Variants in MGP observed in about 807,000 individuals in gnomAD.
MGP encodes the protein cell growth-inhibiting gene 36 protein.
Under a neutral mutation model 14.5 loss-of-function variants are expected in MGP, and 13 were observed. The ratio of observed to expected loss-of-function variants is 0.89; its 90% CI spans 0.58 to 1.42. The LOEUF is 1.42. Among genes scored for constraint, MGP ranks in the 40% most tolerant of loss-of-function variants. MGP has a pLI of 0.00. For missense variants in MGP, 128 were observed against 133.7 expected (o/e 0.96, Z 0.21); for synonymous variants, 44 against 46.3 (o/e 0.95, Z 0.20).
rs1266013012 is a variant in MGP at position 14,882,977 on chromosome 12, T to G, written c.165A>C (p.Gln55His). 6.2e-7 allele frequency: 1 copy of G among 1,610,328 alleles called. No individual in the cohort carries two copies. The highest frequency in any genetic ancestry group is 8.5e-7 in the Non-Finnish European group (1 of 1,176,810). ...SPQQRWRAKV[Q>H]ERIRERSKPV... Reference sequence around the variant, plus strand: ...CATGAAGTTTTGTTACTGACCTCTCTTGGACTTTAGCTCTCCATCTCTGCT... The same window carrying G: ...CATGAAGTTTTGTTACTGACCTCTCGTGGACTTTAGCTCTCCATCTCTGCT... Residue 55 changes from glutamine (Q) to histidine (H), a missense_variant, in exon 3 of 4, where the codon CAA (glutamine) becomes CAC (histidine). By Grantham distance (24) the Gln-to-His change is conservative. Transcript: ENST00000539261.
Position 14,882,005 on chromosome 12 carries a change from G to A in MGP, c.*134C>T. ...CAATCTGGGGGCGGGAAAAAGGGGT[G>A]CAGCCAGACAAGAGAATATACAGGA... On this transcript the variant is annotated 3_prime_UTR_variant, in exon 4 of 4. Transcript: ENST00000539261. The A allele has an allele frequency of 2.6e-6, 3 of 1,168,720 alleles. No individual in the cohort carries two copies. The highest frequency in any genetic ancestry group is 3.8e-6 in the Non-Finnish European group (3 of 798,214). 72.4% of individuals were successfully genotyped at this position (1,168,720 alleles called of 1,614,324 possible). A position where few individuals can be genotyped will look rare whatever the true frequency, so the allele number is the denominator to read the frequency against.
At position 14,884,259 on chromosome 12, in the gene MGP, A is replaced by AG. The variant is rs1241536729; in HGVS notation, c.62-15_62-14insC. ...TTTCATGTGATTCTGAAATTAAAAA[A>AG]AAAAGATTCATTATATCAATATTTA... On this transcript the variant is annotated splice_polypyrimidine_tract_variant and intron_variant, in intron 1 of 3. Transcript: ENST00000539261. The AG allele has an allele frequency of 7.3e-7, 1 of 1,366,436 alleles. No individual in the cohort carries two copies. The highest frequency in any genetic ancestry group is 1.0e-6 in the Non-Finnish European group (1 of 979,562). 84.6% of individuals were successfully genotyped at this position (1,366,436 alleles called of 1,614,324 possible). A position where few individuals can be genotyped will look rare whatever the true frequency, so the allele number is the denominator to read the frequency against.
intron 2 of MGP, chr12:14,883,973 G>A: frequency 5.5e-6 from 2 of 361,126 alleles, no homozygotes; most frequent in East Asian, 1.0e-4. Context: ...TTCCAAATGA[G>A]ATTTTATGGC....
intron 2 of MGP, 110 bp from the exon 3 acceptor site, chr12:14,883,157 C>T: frequency 1.2e-6 from 1 of 866,880 alleles, no homozygotes; most frequent in South Asian, 1.4e-5. Context: ...TTATGCAACT[C>T]ATATAAACGG....
chr12:14,883,399 C>T, intron 2 of MGP: 3 of 332,620 alleles, frequency 9.0e-6, no homozygotes, highest in Non-Finnish European at 1.8e-5. Flanking sequence ...AACTAGATTG[C>T]CGATACATGA....
chr12:14,883,166 G>A (rs2120433784), intron 2 of MGP, 119 bp from the exon 3 acceptor site: 3 of 782,026 alleles, frequency 3.8e-6, no homozygotes, highest in Non-Finnish European at 6.7e-6. Context: ...TCATATAAAC[G>A]GAGATTGGCA....
intron 1 of MGP, chr12:14,884,852 T>C: frequency 6.5e-7 from 1 of 1,535,314 alleles, no homozygotes. Context: ...ACTGAAACGA[T>C]ATCAAAGCCG....
intron 1 of MGP, among the ~76,000 whole-genome samples, chr12:14,885,117 C>T (rs60456579): frequency 1.5e-3 from 232 of 152,182 alleles, no homozygotes; most frequent in African/African-American, 5.4e-3. Context: ...AAGTAAATAA[C>T]TTTGCTTCAG....
chr12:14,883,217 T>C (rs1863401329), intron 2 of MGP, 170 bp from the exon 3 acceptor site: 1 of 616,750 alleles, frequency 1.6e-6, no homozygotes, highest in Non-Finnish European at 3.0e-6. Context: ...ATTAACTTCC[T>C]GATCAAATGA....
chr12:14,882,245 T>C lies in MGP; in HGVS notation c.206A>G (p.Asn69Ser), dbSNP rs769733612. ...RERSKPVHELNREACDDYRLC... is the reference protein window; with the variant it reads ...RERSKPVHELSREACDDYRLC... The stretch of plus-strand genomic sequence containing the variant: ...TCTGTAGTCATCACAGGCTTCCCTA[T>C]TGAGCTCGTGGACAGGCTTAGAGCG... The change falls in exon 4 of 4, where the codon AAT (asparagine) becomes AGT (serine). Residue 69 changes from asparagine (N) to serine (S), a missense_variant. By Grantham distance (46) the Asn-to-Ser change is conservative. Transcript: ENST00000539261. 3.1e-6 allele frequency: 5 copies of C among 1,614,052 alleles called. No homozygotes were observed. Among genetic ancestry groups the C allele is most frequent in the African/African-American group, 1.3e-5 (1 of 74,996 alleles).
rs375457198 is a variant in MGP at position 14,882,296 on chromosome 12, A to C, written c.171-16T>G. 30 of 1,614,068 alleles carry C rather than the reference A, an allele frequency of 1.9e-5. No individual in the cohort carries two copies. The African/African-American group carries it at 3.3e-4, about 18-fold the overall frequency. On this transcript the variant is annotated splice_polypyrimidine_tract_variant and intron_variant, in intron 3 of 3. Coordinates refer to ENST00000539261, the MANE Select transcript of MGP (RefSeq NM_000900.5). ...TTCTCGGATCCTAGAAAGTGGAAGAAGAGGCCAAAATTGAGAAGGATAAAG... is the reference window on the plus strand; with the variant it reads ...TTCTCGGATCCTAGAAAGTGGAAGACGAGGCCAAAATTGAGAAGGATAAAG...
chr12:14,885,748 A>G lies in MGP; in HGVS notation c.44T>C (p.Val15Ala). Residue 15 changes from valine to alanine, a missense_variant, in exon 1 of 4, where the codon GTA (valine) becomes GCA (alanine). By Grantham distance (64) the Val-to-Ala change is moderately conservative. Coordinates refer to ENST00000539261, the MANE Select transcript of MGP (RefSeq NM_000900.5). Reference sequence around the variant, plus strand: ...TTTCTCACCATAACACAAAGTTACTACCGCTAAGGCGGCCAGGATGGCAAG... The same window carrying G: ...TTTCTCACCATAACACAAAGTTACTGCCGCTAAGGCGGCCAGGATGGCAAG... ...ILLAILAALA[V>A]VTLCYESHES... is the part of the protein sequence containing the mutation. 6.2e-7 allele frequency: 1 copy of G among 1,613,776 alleles called. No individual in the cohort carries two copies. Among genetic ancestry groups the G allele is most frequent in the Non-Finnish European group, 8.5e-7 (1 of 1,179,712 alleles).
Position 14,881,971 on chromosome 12 carries a change from A to G in MGP, c.*168T>C. 1 of 794,828 alleles carries G rather than the reference A, an allele frequency of 1.3e-6. No individual in the cohort carries two copies. The highest frequency in any genetic ancestry group is 2.1e-6 in the Non-Finnish European group (1 of 483,674). 49.2% of individuals were successfully genotyped at this position (794,828 alleles called of 1,614,324 possible). A position where few individuals can be genotyped will look rare whatever the true frequency, so the allele number is the denominator to read the frequency against. ...TTGACCCTCACTGCAGTGCACTTTC[A>G]TTACTTATCAATCTGGGGGCGGGAA... On this transcript the variant is annotated 3_prime_UTR_variant, in exon 4 of 4. Coordinates refer to ENST00000539261, the MANE Select transcript of MGP (RefSeq NM_000900.5).
intron 3 of MGP, among the ~76,000 whole-genome samples, chr12:14,882,712 GAT>G (rs1491267356): frequency 2.7e-5 from 3 of 111,924 alleles, no homozygotes; most frequent in Admixed American, 8.7e-5. Flanking sequence ...CAGAACAGGA[GAT>G]TTTTTTTTTT....
At chr12:14,884,941 C>A (rs773767754) in intron 1 of MGP, 3 of 1,463,452 alleles carry the variant, frequency 2.0e-6, no homozygotes, top group Non-Finnish European at 2.7e-6. Flanking sequence ...TATTTGCCAG[C>A]AAGTGAATTT....
intron 1 of MGP, 76 bp from the exon 2 acceptor site, chr12:14,884,321 C>A (rs1397490190): frequency 2.4e-5 from 24 of 1,011,926 alleles, no homozygotes; most frequent in Non-Finnish European, 3.3e-5. Context: ...TCAATTTAGA[C>A]ACTGTGATAG....
Position 14,882,231 on chromosome 12 carries a change from C to T in MGP, c.220G>A (p.Asp74Asn). The T allele has an allele frequency of 6.2e-7, 1 of 1,614,096 alleles. No homozygotes were observed. Among genetic ancestry groups the T allele is most frequent in the African/African-American group, 1.3e-5 (1 of 75,004 alleles). Residue 74 changes from aspartate (D) to asparagine (N), a missense_variant, in exon 4 of 4, where the codon GAT becomes AAT. By Grantham distance (23) the Asp-to-Asn change is conservative (BLOSUM62 1). Coordinates refer to ENST00000539261, the MANE Select transcript of MGP (RefSeq NM_000900.5). ...PVHELNREAC[D>N]DYRLCERYAM... Reference sequence around the variant, plus strand: ...TAGCGTTCGCAAAGTCTGTAGTCATCACAGGCTTCCCTATTGAGCTCGTGG... The same window carrying T: ...TAGCGTTCGCAAAGTCTGTAGTCATTACAGGCTTCCCTATTGAGCTCGTGG...
At chr12:14,884,755 T>TAAGA (rs1863420222) in intron 1 of MGP, 1 of 1,478,790 alleles carries the variant, frequency 6.8e-7, no homozygotes, top group East Asian at 2.5e-5. Flanking sequence ...GAAAGCCTCT[T>TAAGA]AAGAACCTGT....
chr12:14,881,918 T>C lies in MGP; in HGVS notation c.*221A>G. ...AAAGTATCACACCAGAAGTTTATTA[T>C]GGAACAATCACATATGTTGACTCTC... On this transcript the variant is annotated 3_prime_UTR_variant, in exon 4 of 4. Coordinates refer to ENST00000539261, the MANE Select transcript of MGP (RefSeq NM_000900.5). The C allele has an allele frequency of 1.8e-6, 1 of 570,462 alleles. No individual in the cohort carries two copies. Among genetic ancestry groups the C allele is most frequent in the Non-Finnish European group, 3.1e-6 (1 of 321,048 alleles). 35.3% of individuals were successfully genotyped at this position (570,462 alleles called of 1,614,324 possible).
Sources: allele counts gnomAD v4.1 joint callset (sites outside exome capture counted in the v4.1 genomes callset), GRCh38; gene constraint gnomAD v4.1.1; transcripts MANE v1.5; gene names NCBI Gene and HGNC (gene_info 2026-07-23, HGNC 2026-07-21).